FOCAD: variants seen among roughly 807,000 people sequenced by gnomAD.
FOCAD encodes KIAA1797.
In FOCAD, 198 loss-of-function variants were observed where a neutral mutation model predicts 225.6. That is an observed-to-expected ratio of 0.88 (90% CI 0.78 to 0.99). The LOEUF (loss-of-function observed/expected upper bound fraction) is 0.99, where lower values mean the gene tolerates loss of function less well. Among genes scored for constraint, FOCAD ranks in the 50% least tolerant of loss-of-function variants. FOCAD has a pLI of 0.00. For synonymous variants in FOCAD, 897 were observed against 755.0 expected (o/e 1.19, Z -3.08); for missense variants, 2,713 against 2,123.6 (o/e 1.28, Z -5.46).
chr9:20,673,295 A>G (rs528983552), intron 2 of FOCAD, among the ~76,000 whole-genome samples: 3 of 152,334 alleles, frequency 2.0e-5, no homozygotes, highest in South Asian at 4.1e-4. Context: ...ATAGGATTGG[A>G]ATTGCTAGGT....
At chr9:20,974,813 T>G (rs1002593187) in intron 35 of FOCAD, among the ~76,000 whole-genome samples, 4 of 152,176 alleles carry the variant, frequency 2.6e-5, no homozygotes, top group Non-Finnish European at 5.9e-5. Context: ...TTCCTGTGCT[T>G]CTCATTTCTG....
chr9:20,800,749 C>G (rs1821720546), intron 11 of FOCAD, among the ~76,000 whole-genome samples: 1 of 152,076 alleles, frequency 6.6e-6, no homozygotes, highest in South Asian at 2.1e-4. Flanking sequence ...AGCCATTCGT[C>G]TAATTTTTTT....
chr9:20,848,873 T>C (rs1465216164), intron 15 of FOCAD, among the ~76,000 whole-genome samples: 1 of 151,880 alleles, frequency 6.6e-6, no homozygotes, highest in Non-Finnish European at 1.5e-5. Flanking sequence ...ATTATTATTA[T>C]TATTATTTTA....
At chr9:20,836,605 A>G (rs1485137006) in intron 15 of FOCAD, among the ~76,000 whole-genome samples, 1 of 152,048 alleles carries the variant, frequency 6.6e-6, no homozygotes, top group Non-Finnish European at 1.5e-5. Flanking sequence ...TTTATATACT[A>G]CACAATGACT....
intron 1 of FOCAD, among the ~76,000 whole-genome samples, chr9:20,693,965 C>CAAGTGAT (rs1823139315): frequency 6.6e-6 from 1 of 152,214 alleles, no homozygotes; most frequent in Non-Finnish European, 1.5e-5. Flanking sequence ...CCTGCCTTGG[C>CAAGTGAT]CTCTCAAAGT....
chr9:20,699,587 G>A (rs1210590284), intron 1 of FOCAD, among the ~76,000 whole-genome samples: 1 of 149,858 alleles, frequency 6.7e-6, no homozygotes, highest in Non-Finnish European at 1.5e-5. Context: ...TAAAAATACA[G>A]ATACACTGGG....
At chr9:20,784,091 A>T (rs1819668886) in intron 10 of FOCAD, among the ~76,000 whole-genome samples, 1 of 152,192 alleles carries the variant, frequency 6.6e-6, no homozygotes, top group Admixed American at 6.5e-5. Flanking sequence ...GTAGGAGAGA[A>T]TGTGGAGAAG....
chr9:20,740,347 CT>C lies in FOCAD; in HGVS notation c.392+13del. The C allele has an allele frequency of 8.3e-6, 12 of 1,448,300 alleles. No individual in the cohort carries two copies. Among genetic ancestry groups the C allele is most frequent in the East Asian group, 2.4e-5 (1 of 42,282 alleles). The allele number at this position is 1,448,300 out of a possible 1,614,324, so 89.7% of individuals were successfully genotyped here. On this transcript the variant is annotated splice_region_variant and intron_variant, in intron 5 of 43. Coordinates refer to ENST00000338382, the MANE Select transcript of FOCAD (RefSeq NM_001375567.1). The stretch of plus-strand genomic sequence containing the variant: ...AGAGTATATATACCATTAGGTAAGC[CT>C]TTTTTCTGTTTTTTTTTTAAACAAA...
At chr9:20,801,534 C>T (rs1004075002) in intron 11 of FOCAD, among the ~76,000 whole-genome samples, 1 of 152,096 alleles carries the variant, frequency 6.6e-6, no homozygotes, top group Non-Finnish European at 1.5e-5. Context: ...TATTGAGGCA[C>T]TCATAATGCA....
chr9:20,709,457 G>A (rs1043355331), intron 1 of FOCAD, among the ~76,000 whole-genome samples: 1 of 147,426 alleles, frequency 6.8e-6, no homozygotes, highest in Non-Finnish European at 1.5e-5. Context: ...TGAAAATAAC[G>A]TAGACTGCTC....
intron 15 of FOCAD, among the ~76,000 whole-genome samples, chr9:20,852,449 C>G (rs1047987306): frequency 6.6e-6 from 1 of 151,320 alleles, no homozygotes; most frequent in East Asian, 1.9e-4. Context: ...GTTCTGTTAT[C>G]CCCAGATCTG....
chr9:20,695,490 G>C (rs559804254), intron 1 of FOCAD, among the ~76,000 whole-genome samples: 2 of 151,960 alleles, frequency 1.3e-5, no homozygotes, highest in South Asian at 4.1e-4. Context: ...CTTTCCTCAC[G>C]TTTCTTTTTA....
At chr9:20,878,461 C>T (rs945255007) in intron 19 of FOCAD, among the ~76,000 whole-genome samples, 4 of 152,158 alleles carry the variant, frequency 2.6e-5, no homozygotes, top group African/African-American at 9.7e-5. Context: ...TTTGCTGCAT[C>T]AATAATAATT....
chr9:20,916,001 C>G (rs75219180), intron 23 of FOCAD, among the ~76,000 whole-genome samples: 2 of 152,080 alleles, frequency 1.3e-5, no homozygotes. Flanking sequence ...AGATTGAGAT[C>G]TATAGGAGGT....
intron 11 of FOCAD, among the ~76,000 whole-genome samples, chr9:20,813,291 T>C (rs1193673600): frequency 1.3e-5 from 2 of 152,180 alleles, no homozygotes; most frequent in Non-Finnish European, 2.9e-5. Flanking sequence ...TTTCCATCTC[T>C]TGAGTATTAT....
intron 11 of FOCAD, among the ~76,000 whole-genome samples, chr9:20,806,968 C>T (rs1822527043): frequency 6.6e-6 from 1 of 152,100 alleles, no homozygotes; most frequent in African/African-American, 2.4e-5. Flanking sequence ...TGGTTTATTT[C>T]TTGTAATATT....
At chr9:20,864,165 G>C (rs1264098181) in intron 16 of FOCAD, among the ~76,000 whole-genome samples, 2 of 152,028 alleles carry the variant, frequency 1.3e-5, no homozygotes, top group South Asian at 2.1e-4. Context: ...TGTGTGTTTA[G>C]ATAATTGGTT....
At chr9:20,830,695 C>T (rs948159526) in intron 15 of FOCAD, among the ~76,000 whole-genome samples, 3 of 152,030 alleles carry the variant, frequency 2.0e-5, no homozygotes, top group African/African-American at 2.4e-5. Context: ...ATTTGTTTAT[C>T]GAGATGGGGT....
At chr9:20,832,150 A>G (rs1044162728) in intron 15 of FOCAD, among the ~76,000 whole-genome samples, 1 of 152,056 alleles carries the variant, frequency 6.6e-6, no homozygotes, top group African/African-American at 2.4e-5. Context: ...GCCTTCATGT[A>G]CAAGCTTTCA....
Sources: gnomAD v4.1 joint callset for allele counts (sites outside exome capture counted in the v4.1 genomes callset) on GRCh38, gnomAD v4.1.1 for gene constraint, MANE v1.5 for transcripts, NCBI Gene and HGNC (gene_info 2026-07-23, HGNC 2026-07-21) for gene names.